Variants in EEIG2 observed in about 807,000 individuals in gnomAD.
EEIG2 encodes the protein family with sequence similarity 102 member B.
At chr1:108,602,343 G>A in the EEIG2 span, among the ~76,000 whole-genome samples, 1 of 152,162 alleles carries the variant, frequency 6.6e-6, no homozygotes, top group Non-Finnish European at 1.5e-5. Context: ...TGTCAGCAGG[G>A]CCATGCTCCC....
chr1:108,602,581 A>G, the EEIG2 span, among the ~76,000 whole-genome samples: 7 of 152,158 alleles, frequency 4.6e-5, no homozygotes, highest in Non-Finnish European at 7.4e-5. Context: ...GTGTACCTAT[A>G]TGAAGACCCT....
the EEIG2 span, chr1:108,612,157 T>C: frequency 2.0e-6 from 3 of 1,537,848 alleles, no homozygotes; most frequent in East Asian, 2.2e-5. Context: ...TCTATTAATA[T>C]AATTCTCTTT....
At chr1:108,584,456 C>G in the EEIG2 span, among the ~76,000 whole-genome samples, 1 of 152,082 alleles carries the variant, frequency 6.6e-6, no homozygotes, top group African/African-American at 2.4e-5. Context: ...CTTATTTTAT[C>G]TTACTGAAAT....
At chr1:108,594,013 G>T in the EEIG2 span, among the ~76,000 whole-genome samples, 2 of 152,000 alleles carry the variant, frequency 1.3e-5, no homozygotes, top group East Asian at 3.9e-4. Flanking sequence ...TCACCATGTT[G>T]CCCAGGCTGG....
the EEIG2 span, among the ~76,000 whole-genome samples, chr1:108,610,943 T>C: frequency 6.6e-6 from 1 of 151,664 alleles, no homozygotes. Flanking sequence ...AGAGCGAGAC[T>C]CCATCTCAAA....
At chr1:108,566,611 A>C in the EEIG2 span, among the ~76,000 whole-genome samples, 1 of 152,204 alleles carries the variant, frequency 6.6e-6, no homozygotes, top group African/African-American at 2.4e-5. Flanking sequence ...TACAATAGCC[A>C]AGTTATTGAA....
chr1:108,610,821 C>G, the EEIG2 span, among the ~76,000 whole-genome samples: 1 of 152,084 alleles, frequency 6.6e-6, no homozygotes, highest in Non-Finnish European at 1.5e-5. Context: ...GTAGTCCCAG[C>G]TACTTGGGAG....
At chr1:108,616,802 A>G in the EEIG2 span, among the ~76,000 whole-genome samples, 2 of 152,204 alleles carry the variant, frequency 1.3e-5, no homozygotes, top group Non-Finnish European at 2.9e-5. Flanking sequence ...AAAATAGATT[A>G]AGTCCCTGCC....
At chr1:108,593,892 A>G in the EEIG2 span, among the ~76,000 whole-genome samples, 3 of 151,940 alleles carry the variant, frequency 2.0e-5, no homozygotes, top group African/African-American at 7.3e-5. Flanking sequence ...TACAGCCTCA[A>G]CCTCCTGGGC....
chr1:108,590,749 C>T, the EEIG2 span, among the ~76,000 whole-genome samples: 1 of 152,174 alleles, frequency 6.6e-6, no homozygotes, highest in Non-Finnish European at 1.5e-5. Context: ...AGTTTCTTAT[C>T]ACTGTTTTTT....
At chr1:108,613,651 C>G in the EEIG2 span, among the ~76,000 whole-genome samples, 14 of 151,970 alleles carry the variant, frequency 9.2e-5, no homozygotes, top group Admixed American at 6.6e-5. Context: ...TCATAACACT[C>G]TCTCCTTTCC....
At chr1:108,581,570 G>A in the EEIG2 span, among the ~76,000 whole-genome samples, 18 of 152,228 alleles carry the variant, frequency 1.2e-4, no homozygotes, top group African/African-American at 2.6e-4. Context: ...AGTTGATTTC[G>A]GTCCTCATGG....
chr1:108,631,308 A>T, the EEIG2 span, among the ~76,000 whole-genome samples: 1 of 152,246 alleles, frequency 6.6e-6, no homozygotes, highest in African/African-American at 2.4e-5. Flanking sequence ...ATTGGAACAC[A>T]ACCATGCCTG....
the EEIG2 span, among the ~76,000 whole-genome samples, chr1:108,582,266 C>T: frequency 6.6e-6 from 1 of 152,278 alleles, no homozygotes; most frequent in South Asian, 2.1e-4. Flanking sequence ...GTGATATTTG[C>T]TTCACTGCGG....
At chr1:108,586,050 C>A in the EEIG2 span, among the ~76,000 whole-genome samples, 1 of 152,022 alleles carries the variant, frequency 6.6e-6, no homozygotes, top group African/African-American at 2.4e-5. Context: ...GGAATACTTT[C>A]ATAATATGTA....
chr1:108,606,232 G>A, the EEIG2 span: 1 of 1,560,952 alleles, frequency 6.4e-7, no homozygotes, highest in East Asian at 2.3e-5. Context: ...GGAATTAAAA[G>A]GTGGAAAAGC....
At chr1:108,567,839 A>C in the EEIG2 span, among the ~76,000 whole-genome samples, 1 of 152,148 alleles carries the variant, frequency 6.6e-6, no homozygotes, top group Non-Finnish European at 1.5e-5. Flanking sequence ...CTTTGAAGAA[A>C]ATTTAAAAAT....
chr1:108,609,373 C>T, the EEIG2 span, among the ~76,000 whole-genome samples: 1 of 151,968 alleles, frequency 6.6e-6, no homozygotes, highest in Non-Finnish European at 1.5e-5. Flanking sequence ...TATGTGTGTA[C>T]ATGATGTGAT....
the EEIG2 span, among the ~76,000 whole-genome samples, chr1:108,563,403 A>G: frequency 9.7e-3 from 1,478 of 152,270 alleles, 10 homozygotes; most frequent in Non-Finnish European, 0.015. Flanking sequence ...TTTTCATTGT[A>G]ATAAACCTTA....
Sources: allele counts gnomAD v4.1 joint callset (sites outside exome capture counted in the v4.1 genomes callset), GRCh38; gene constraint gnomAD v4.1.1; transcripts MANE v1.5; gene names NCBI Gene and HGNC (gene_info 2026-07-23, HGNC 2026-07-21).